Variants in PLEKHG5 observed in about 807,000 individuals in gnomAD.
The protein encoded by PLEKHG5 is pleckstrin homology and RhoGEF domain containing G5.
PLEKHG5 carries 52 observed loss-of-function variants against 103.8 expected under a neutral mutation model. That is an observed-to-expected ratio of 0.50 (90% CI 0.40 to 0.63). PLEKHG5 has a LOEUF of 0.63. Among genes scored for constraint, PLEKHG5 ranks in the 30% least tolerant of loss-of-function variants. The probability of loss-of-function intolerance (pLI) is 0.00; values close to 1 mark genes in which losing one functional copy is unlikely to be tolerated. For missense variants in PLEKHG5, 1,205 were observed against 1,347.6 expected, an observed-to-expected ratio of 0.89 and a Z score of 1.66; for synonymous variants, 592 against 575.5, an observed-to-expected ratio of 1.03 and a Z score of -0.41.
At chr1:6,475,234 C>T (rs1644728993) in intron 4 of PLEKHG5, 96 bp from the exon 5 acceptor site, 2 of 718,508 alleles carry the variant, frequency 2.8e-6, no homozygotes, top group African/African-American at 3.8e-5. Context: ...CTTCCCAACC[C>T]TCCTCCCCAC....
intron 1 of PLEKHG5, among the ~76,000 whole-genome samples, chr1:6,518,883 GCC>G (rs1327814435): frequency 6.6e-6 from 1 of 152,164 alleles, no homozygotes; most frequent in Non-Finnish European, 1.5e-5. Flanking sequence ...TTGCTCTGTT[GCC>G]CAGGCTGGAC....
chr1:6,518,559 CAAAAAAA>C (rs772093142), intron 1 of PLEKHG5, among the ~76,000 whole-genome samples: 3 of 68,098 alleles, frequency 4.4e-5, no homozygotes, highest in Admixed American at 3.2e-4. Context: ...AACTCCATCC[CAAAAAAA>C]AAAAAAAAAG....
At chr1:6,497,357 GC>G (rs981248032), upstream of PLEKHG5, 7 of 1,085,432 alleles carry the variant, frequency 6.4e-6, no homozygotes, top group African/African-American at 1.0e-4. The surrounding 1 kb of genome is among the most constrained non-coding windows in gnomAD (Gnocchi z 6.1). Context: ...GGGGCGGGCG[GC>G]GGGCGGGGGC....
chr1:6,488,857 C>G (rs972616077), intron 1 of PLEKHG5, among the ~76,000 whole-genome samples: 1 of 152,096 alleles, frequency 6.6e-6, no homozygotes, highest in African/African-American at 2.4e-5. Flanking sequence ...AAACCAGATG[C>G]GGAGGCTGAT....
At chr1:6,507,512 G>A (rs1028412114) in intron 1 of PLEKHG5, among the ~76,000 whole-genome samples, 11 of 152,222 alleles carry the variant, frequency 7.2e-5, no homozygotes, top group African/African-American at 2.7e-4. Context: ...TGCCAGGTCT[G>A]AAGGAGCAGA....
In PLEKHG5 at chr1:6,470,305, G is replaced by A. The variant is rs138441206; in HGVS notation, c.1731C>T (p.Ala577=). 8.1e-6 allele frequency: 13 copies of A among 1,613,936 alleles called. No individual in the cohort carries two copies. Among genetic ancestry groups the A allele is most frequent in the African/African-American group, 8.0e-5 (6 of 74,920 alleles). Residue 577 remains alanine, a synonymous_variant, in exon 16 of 21, where the codon GCC becomes GCT. Transcript: ENST00000377728. The part of the protein sequence containing the change: ...HLDLTAPIPG[A]SPEETRQLLL... ...GCAGCTGCCGCGTCTCCTCCGGGGAGGCGCCAGGGATGGGCGCTGTCAAGT... is the reference window on the plus strand; with the variant it reads ...GCAGCTGCCGCGTCTCCTCCGGGGAAGCGCCAGGGATGGGCGCTGTCAAGT...
Position 6,506,064 on chromosome 1 carries a change from G to A in PLEKHG5, c.-164-9495C>T, listed in dbSNP as rs545405643. The A allele has an allele frequency of 1.5e-4, 23 of 152,696 alleles. No homozygotes were observed. The East Asian group carries it at 4.2e-3, about 28-fold the overall frequency. The allele number at this position is 152,696 out of a possible 1,614,324, so 9.5% of individuals were successfully genotyped here. On this transcript the variant is annotated intron_variant, in intron 1 of 21. Transcript: ENST00000377740. ...GATGATGTCCAGGGTGGAGCTCCACGAGAAACGCTCCACCGTCCCCAGCTC... is the reference window on the plus strand; with the variant it reads ...GATGATGTCCAGGGTGGAGCTCCACAAGAAACGCTCCACCGTCCCCAGCTC...
In PLEKHG5 at chr1:6,485,769, G is replaced by C. The variant is rs145141925; in HGVS notation, c.-88+5868C>G. The C allele has an allele frequency of 0.051, 28,549 of 556,616 alleles. 1,147 individuals carry two copies. Among genetic ancestry groups the C allele is most frequent in the African/African-American group, 0.14 (6,376 of 45,964 alleles). The allele number at this position is 556,616 out of a possible 1,614,324, so 34.5% of individuals were successfully genotyped here. On this transcript the variant is annotated intron_variant, in intron 1 of 20. Transcript: ENST00000377728. ...TCTGCCCGGCCGGGGGACCCCCACA[G>C]CCCCGCCTCCGCCCAGTCCCCGGGA...
chr1:6,478,477 C>T (rs1644820260), intron 1 of PLEKHG5, among the ~76,000 whole-genome samples: 1 of 152,096 alleles, frequency 6.6e-6, no homozygotes, highest in Non-Finnish European at 1.5e-5. Context: ...CCTTATTTCT[C>T]CATTTTACAG....
chr1:6,472,469 G>C, intron 10 of PLEKHG5, 58 bp downstream of exon 10: 1 of 1,194,388 alleles, frequency 8.4e-7, no homozygotes. Flanking sequence ...ACTCAGCTGA[G>C]GGCTGTCAGA....
At position 6,469,382 on chromosome 1, in the gene PLEKHG5, C is replaced by T. The variant is rs955269704; in HGVS notation, c.2002G>A (p.Gly668Ser). ...ACCCAGCCACGGCACAAGGCCTGGCCACTGGCCTGGAACGTGTAGGCCCCT... is the reference window on the plus strand; with the variant it reads ...ACCCAGCCACGGCACAAGGCCTGGCTACTGGCCTGGAACGTGTAGGCCCCT... ...AVGAYTFQASGQALCRGWVDT... is the reference protein window; with the variant it reads ...AVGAYTFQASSQALCRGWVDT... Residue 668 changes from glycine (G) to serine (S), a missense_variant, in exon 18 of 21, where the codon GGC (glycine) becomes AGC (serine). By Grantham distance (56) the Gly-to-Ser change is moderately conservative. Coordinates refer to ENST00000377728, the MANE Select transcript of PLEKHG5 (RefSeq NM_020631.6). The T allele has an allele frequency of 6.2e-7, 1 of 1,614,170 alleles. No individual in the cohort carries two copies. The highest frequency in any genetic ancestry group is 1.1e-5 in the South Asian group (1 of 91,054).
intron 1 of PLEKHG5, among the ~76,000 whole-genome samples, chr1:6,481,544 TAAATAAATAAATAA>T (rs1439160764): frequency 7.1e-6 from 1 of 140,774 alleles, no homozygotes; most frequent in African/African-American, 2.7e-5. Flanking sequence ...AATAAATAAA[TAAATAAATAAATAA>T]ATAAATATAT....
chr1:6,517,346 G>A (rs1638654657), intron 1 of PLEKHG5, among the ~76,000 whole-genome samples: 1 of 150,972 alleles, frequency 6.6e-6, no homozygotes, highest in South Asian at 2.1e-4. Context: ...AGCATATGCT[G>A]AGAATAGGTG....
Position 6,468,200 on chromosome 1 carries a change from T to C in PLEKHG5, c.2636A>G (p.Glu879Gly), listed in dbSNP as rs1244297431. ...TGCCAGCAGCTGGAGGAGGCTGGCC[T>C]CGGACTTAGACTTGAGCAGGTGGGG... is the stretch of plus-strand genomic sequence containing the variant. The part of the protein sequence containing the change: ...CPPHLLKSKS[E>G]ASLLQLLAGA... Residue 879 changes from glutamate (E) to glycine (G), a missense_variant, in exon 20 of 21, where the codon GAG becomes GGG. Glu to Gly is a moderately conservative substitution (Grantham distance 98). Coordinates refer to ENST00000377728, the MANE Select transcript of PLEKHG5 (RefSeq NM_020631.6). 6.3e-7 allele frequency: 1 copy of C among 1,575,580 alleles called. No homozygotes were observed. The highest frequency in any genetic ancestry group is 8.6e-7 in the Non-Finnish European group (1 of 1,158,316).
chr1:6,484,660 C>A (rs1479556650), intron 1 of PLEKHG5, among the ~76,000 whole-genome samples: 3 of 152,114 alleles, frequency 2.0e-5, no homozygotes, highest in African/African-American at 7.2e-5. Flanking sequence ...CTTCTTGAAG[C>A]CAGACTCCAG....
rs1307374188 is a variant in PLEKHG5 at position 6,470,537 on chromosome 1, ACC to A, written c.1647_1648del (p.Glu549AspfsTer105). ...CACTTCGTCGCTGCTGCTTTCCACC[ACC>A]TCGTAGGCGTCGATGCGGCTCACCA... On this transcript the variant is annotated frameshift_variant, in exon 15 of 21. Coordinates refer to ENST00000377728, the MANE Select transcript of PLEKHG5 (RefSeq NM_020631.6). LOFTEE classifies it high-confidence loss of function. 1 of 1,605,624 alleles carries A rather than the reference ACC, an allele frequency of 6.2e-7. No individual in the cohort carries two copies. Among genetic ancestry groups the A allele is most frequent in the East Asian group, 2.2e-5 (1 of 44,756 alleles).
At chr1:6,497,599 G>A (rs557475856), upstream of PLEKHG5, among the ~76,000 whole-genome samples, 930 of 152,206 alleles carry the variant, frequency 6.1e-3, 13 homozygotes, top group African/African-American at 0.022. The surrounding 1 kb of genome is among the most constrained non-coding windows in gnomAD (Gnocchi z 6.1). Flanking sequence ...CTCCCGGAGG[G>A]CGGGCACCGG....
Position 6,470,631 on chromosome 1 carries a change from C to T in PLEKHG5, c.1555G>A (p.Glu519Lys). ...GCGTTCACGTGGTGGATGAAGCGCT[C>T]CACGGAGCCGATCTAGGGGCAGGTG... is the stretch of plus-strand genomic sequence containing the variant. The part of the protein sequence containing the change: ...EAVVAMIGSV[E>K]RFIHHVNACM... Residue 519 changes from glutamate to lysine, a missense_variant, in exon 15 of 21, where the codon GAG becomes AAG. Coordinates refer to ENST00000377728, the MANE Select transcript of PLEKHG5 (RefSeq NM_020631.6). The T allele has an allele frequency of 6.3e-7, 1 of 1,578,452 alleles. No homozygotes were observed. The highest frequency in any genetic ancestry group is 8.6e-7 in the Non-Finnish European group (1 of 1,168,004).
chr1:6,468,648 A>C (rs1569837118), intron 19 of PLEKHG5, 62 bp from the exon 20 acceptor site: 1 of 1,584,828 alleles, frequency 6.3e-7, no homozygotes, highest in East Asian at 2.2e-5. Flanking sequence ...AGGCAGCCCC[A>C]GGCTGGGCAA....
Sources: gnomAD v4.1 joint callset for allele counts (sites outside exome capture counted in the v4.1 genomes callset) on GRCh38, gnomAD v4.1.1 for gene constraint, Gnocchi (gnomAD v3.1) non-coding constraint, MANE v1.5 for transcripts, NCBI Gene and HGNC (gene_info 2026-07-23, HGNC 2026-07-21) for gene names.